Variants in PARD6G observed in about 807,000 individuals in gnomAD.
PARD6G encodes the protein partitioning defective 6 homolog gamma.
PARD6G carries 7 observed loss-of-function variants against 10.7 expected under a neutral mutation model. The ratio of observed to expected loss-of-function variants is 0.66; its 90% CI spans 0.37 to 1.23. PARD6G has a LOEUF of 1.23. Among genes scored for constraint, PARD6G ranks in the 50% most tolerant of loss-of-function variants. The probability of loss-of-function intolerance (pLI) is 0.02; values close to 1 mark genes in which losing one functional copy is unlikely to be tolerated. For missense variants in PARD6G, 548 were observed against 571.8 expected, an observed-to-expected ratio of 0.96 and a Z score of 0.42; for synonymous variants, 287 against 269.4, an observed-to-expected ratio of 1.07 and a Z score of -0.64.
chr18:80,236,210 T>C (rs925685447), intron 1 of PARD6G, among the ~76,000 whole-genome samples: 14 of 152,166 alleles, frequency 9.2e-5, no homozygotes, highest in African/African-American at 3.4e-4. Flanking sequence ...CACAAATCAA[T>C]AAACGTAATC....
intron 1 of PARD6G, among the ~76,000 whole-genome samples, chr18:80,223,817 C>T (rs1043731245): frequency 5.3e-5 from 8 of 152,130 alleles, no homozygotes; most frequent in African/African-American, 1.9e-4. Context: ...CCAAGGGAGG[C>T]CAGCATCTGC....
chr18:80,196,121 C>T (rs1966953939), intron 2 of PARD6G, among the ~76,000 whole-genome samples: 1 of 152,026 alleles, frequency 6.6e-6, no homozygotes, highest in African/African-American at 2.4e-5. Flanking sequence ...TTAATAAGGA[C>T]TTGGTTATAC....
At chr18:80,211,620 T>C (rs1967108931) in intron 1 of PARD6G, among the ~76,000 whole-genome samples, 1 of 152,346 alleles carries the variant, frequency 6.6e-6, no homozygotes, top group South Asian at 2.1e-4. Flanking sequence ...TCCATGTCCA[T>C]AGCAGCATCA....
Position 80,202,804 on chromosome 18 carries a change from C to T in PARD6G, c.201G>A (p.Val67=). 1.2e-6 allele frequency: 2 copies of T among 1,614,032 alleles called. No individual in the cohort carries two copies. The highest frequency in any genetic ancestry group is 1.7e-6 in the Non-Finnish European group (2 of 1,179,990). ...TGTTGATGGGCAGCAGGTCTCCGTG[C>T]ACATCTGCATAGCCAATAGTTACAT... ...NSDVTIGYAD[V]HGDLLPINND... The change falls in exon 2 of 3, where the codon GTG becomes GTA. Residue 67 remains valine, a synonymous_variant. Coordinates refer to ENST00000353265, the MANE Select transcript of PARD6G (RefSeq NM_032510.4).
chr18:80,223,486 G>A (rs1317776699), intron 1 of PARD6G, among the ~76,000 whole-genome samples: 2 of 152,092 alleles, frequency 1.3e-5, no homozygotes, highest in Non-Finnish European at 2.9e-5. Context: ...CCCCAAAAAA[G>A]ATACACAGAT....
chr18:80,159,860 G>C lies in PARD6G; in HGVS notation c.1042C>G (p.Leu348Val). The change falls in exon 3 of 3, where the codon CTG becomes GTG. Residue 348 changes from leucine (L) to valine (V), a missense_variant. By Grantham distance (32) the Leu-to-Val change is conservative. Around this residue, in one of 2 missense-constraint regions of PARD6G, gnomAD observed 313 missense variants for 279.9 expected, o/e 1.12. Transcript: ENST00000353265. ...GGGTCGGCCCGCAGGGAGCTGAGCAGCCGCTGGAGGCCGCCGTCCAGGGCC... is the reference window on the plus strand; with the variant it reads ...GGGTCGGCCCGCAGGGAGCTGAGCACCCGCTGGAGGCCGCCGTCCAGGGCC... ...DLALDGGLQR[L>V]LSSLRADPRH... 2 of 1,508,846 alleles carry C rather than the reference G, an allele frequency of 1.3e-6. No individual in the cohort carries two copies. The highest frequency in any genetic ancestry group is 1.3e-5 in the South Asian group (1 of 79,766). The allele number at this position is 1,508,846 out of a possible 1,614,324, so 93.5% of individuals were successfully genotyped here.
At position 80,160,353 on chromosome 18, in the gene PARD6G, G is replaced by C; in HGVS notation, c.549C>G (p.Thr183=). The C allele has an allele frequency of 6.2e-7, 1 of 1,611,498 alleles. No individual in the cohort carries two copies. Among genetic ancestry groups the C allele is most frequent in the Non-Finnish European group, 8.5e-7 (1 of 1,179,716 alleles). Residue 183 remains threonine, a synonymous_variant, in exon 3 of 3, where the codon ACC becomes ACG. Transcript: ENST00000353265. The part of the protein sequence containing the change: ...YIRDGASVRV[T]PHGLEKVPGI... ...CGGGCACCTTCTCCAGCCCGTGCGG[G>C]GTCACGCGCACGCTGGCGCCATCGC... is the stretch of plus-strand genomic sequence containing the variant.
intron 1 of PARD6G, among the ~76,000 whole-genome samples, chr18:80,240,631 C>G (rs1324133061): frequency 6.6e-6 from 1 of 152,162 alleles, no homozygotes. Flanking sequence ...CTTCTGGGAG[C>G]TATGGAGACC....
intron 2 of PARD6G, among the ~76,000 whole-genome samples, chr18:80,177,511 C>T (rs1206087620): frequency 7.0e-6 from 1 of 143,498 alleles, no homozygotes; most frequent in Non-Finnish European, 1.5e-5. Flanking sequence ...GGGAAGCACA[C>T]ATGCATACGT....
intron 1 of PARD6G, among the ~76,000 whole-genome samples, chr18:80,224,530 A>C (rs1422360420): frequency 6.6e-6 from 1 of 152,166 alleles, no homozygotes; most frequent in Non-Finnish European, 1.5e-5. Context: ...GCCCTGAATT[A>C]AATCATAAGC....
At position 80,159,585 on chromosome 18, in the gene PARD6G, TAAG is replaced by T; in HGVS notation, c.*183_*185del. On this transcript the variant is annotated 3_prime_UTR_variant, in exon 3 of 3. Coordinates refer to ENST00000353265, the MANE Select transcript of PARD6G (RefSeq NM_032510.4). ...AGAGTGTCTCTACAGGCGTTCATTT[TAAG>T]TTCTGTGGCGAAATTCTATAAAAAT... The T allele has an allele frequency of 4.9e-6, 5 of 1,020,326 alleles. No homozygotes were observed. The highest frequency in any genetic ancestry group is 6.4e-6 in the Non-Finnish European group (5 of 780,832). The allele number at this position is 1,020,326 out of a possible 1,614,324, so 63.2% of individuals were successfully genotyped here.
rs1164126744 is a variant in PARD6G, at chr18:80,181,372, A to C, written c.296-20766T>G. Among the ~76,000 whole-genome samples, 1 of 152,154 alleles carries C rather than the reference A, an allele frequency of 6.6e-6. No homozygotes were observed. Among genetic ancestry groups the C allele is most frequent in the Non-Finnish European group, 1.5e-5 (1 of 68,026 alleles). On this transcript the variant is annotated intron_variant, in intron 2 of 2. Transcript: ENST00000353265. This position sits in a 1 kb window ranked among gnomAD's most constrained non-coding sequence, Gnocchi z 7.9. The stretch of plus-strand genomic sequence containing the variant: ...TGCCACACACGCCAAGGCAGGCATC[A>C]CGCTCTGGGCACCGGGGGACCCTGC...
At position 80,221,308 on chromosome 18, in the gene PARD6G, C is replaced by T. The variant is rs1967225937; in HGVS notation, c.73-18376G>A. Among the ~76,000 whole-genome samples the T allele has an allele frequency of 2.0e-5, 3 of 152,034 alleles. No individual in the cohort carries two copies. The South Asian group carries it at 6.2e-4, about 32-fold the overall frequency. On this transcript the variant is annotated intron_variant, in intron 1 of 2. Transcript: ENST00000353265. ...TGTTATGAATAGAGACACAAAAATC[C>T]TCAAGAGAATACTAGCACACCATAT...
chr18:80,241,658 AG>A (rs1967491391), intron 1 of PARD6G, among the ~76,000 whole-genome samples: 2 of 152,210 alleles, frequency 1.3e-5, no homozygotes, highest in Admixed American at 6.5e-5. Flanking sequence ...GACTCGGGGC[AG>A]GGCCGCAGGG....
chr18:80,215,253 G>A (rs1967151497), intron 1 of PARD6G, among the ~76,000 whole-genome samples: 1 of 152,070 alleles, frequency 6.6e-6, no homozygotes, highest in East Asian at 1.9e-4. Context: ...ATACTAAAGG[G>A]CCTCCTCTTT....
rs59243450 is a variant in PARD6G, at chr18:80,159,859, A to C, written c.1043T>G (p.Leu348Arg). 1 of 1,509,376 alleles carries C rather than the reference A, an allele frequency of 6.6e-7. No homozygotes were observed. Among genetic ancestry groups the C allele is most frequent in the Admixed American group, 2.3e-5 (1 of 44,016 alleles). 93.5% of individuals were successfully genotyped at this position (1,509,376 alleles called of 1,614,324 possible). Residue 348 changes from leucine (L) to arginine (R), a missense_variant, in exon 3 of 3, where the codon CTG becomes CGG. Leu to Arg is a moderately radical substitution (Grantham distance 102, BLOSUM62 -2). This residue lies in a region of PARD6G where 313 missense variants were observed against 279.9 expected (regional missense o/e 1.12). Coordinates refer to ENST00000353265, the MANE Select transcript of PARD6G (RefSeq NM_032510.4). ...DLALDGGLQR[L>R]LSSLRADPRH... ...GGGGTCGGCCCGCAGGGAGCTGAGC[A>C]GCCGCTGGAGGCCGCCGTCCAGGGC...
intron 2 of PARD6G, among the ~76,000 whole-genome samples, chr18:80,164,412 TG>T (rs1346147578): frequency 6.6e-6 from 1 of 152,288 alleles, no homozygotes; most frequent in East Asian, 1.9e-4. Flanking sequence ...GTGCTCTCCA[TG>T]TGTCTAAAAG....
At chr18:80,227,475 C>G (rs963813191) in intron 1 of PARD6G, among the ~76,000 whole-genome samples, 1 of 152,230 alleles carries the variant, frequency 6.6e-6, no homozygotes, top group Non-Finnish European at 1.5e-5. Flanking sequence ...AAGATGTTTT[C>G]AAGCAACAAA....
intron 2 of PARD6G, chr18:80,168,767 C>T (rs974059502): frequency 3.6e-5 from 6 of 168,654 alleles, no homozygotes; most frequent in African/African-American, 1.5e-4. Flanking sequence ...TGAACCACCA[C>T]ACCCAGCCGT....
Sources: allele counts gnomAD v4.1 joint callset (sites outside exome capture counted in the v4.1 genomes callset), GRCh38; gene constraint gnomAD v4.1.1; regional missense constraint gnomAD v4.1.1; non-coding constraint Gnocchi (gnomAD v3.1); transcripts MANE v1.5; gene names NCBI Gene and HGNC (gene_info 2026-07-23, HGNC 2026-07-21).